FGF14: variants seen among roughly 807,000 people sequenced by gnomAD.
FGF14 encodes the protein fibroblast growth factor homologous factor 4.
Under a neutral mutation model 25.5 loss-of-function variants are expected in FGF14, and 5 were observed. The observed-to-expected ratio is 0.20, with a 90% CI of 0.10 to 0.41. The LOEUF is 0.41. FGF14 is among the 10% of genes least tolerant of loss of function. The probability of loss-of-function intolerance (pLI) is 1.00; values close to 1 mark genes in which losing one functional copy is unlikely to be tolerated. For synonymous variants in FGF14, 138 were observed against 118.3 expected (o/e 1.17, Z -1.08); for missense variants, 222 against 320.1 (o/e 0.69, Z 2.34).
intron 1 of FGF14, among the ~76,000 whole-genome samples, chr13:102,102,348 C>T (rs1343416433): frequency 1.3e-5 from 2 of 152,266 alleles, no homozygotes; most frequent in Non-Finnish European, 2.9e-5. Flanking sequence ...GGGTAATAAA[C>T]TGCCTGTGGT....
At chr13:101,795,914 T>C (rs920184074) in intron 3 of FGF14, among the ~76,000 whole-genome samples, 2 of 152,122 alleles carry the variant, frequency 1.3e-5, no homozygotes, top group Admixed American at 1.3e-4. Context: ...CTTGTGTGTT[T>C]TCTCTGAAAA....
At chr13:101,913,743 C>T (rs2033189464) in intron 1 of FGF14, among the ~76,000 whole-genome samples, 1 of 152,168 alleles carries the variant, frequency 6.6e-6, no homozygotes, top group Non-Finnish European at 1.5e-5. Flanking sequence ...CCTGTCATCT[C>T]TCAACCTGTG....
chr13:102,097,029 C>T (rs1371790086), intron 1 of FGF14, among the ~76,000 whole-genome samples: 1 of 145,866 alleles, frequency 6.9e-6, no homozygotes, highest in African/African-American at 2.5e-5. Context: ...GACTGGAGGA[C>T]TTTTTTTTTT....
At chr13:101,766,827 A>T (rs1293379113) in intron 3 of FGF14, among the ~76,000 whole-genome samples, 4 of 152,124 alleles carry the variant, frequency 2.6e-5, no homozygotes, top group Admixed American at 2.6e-4. Flanking sequence ...AGAGGTAGAG[A>T]TTAGGGTGAT....
chr13:102,111,103 CCTCA>C (rs1257900714), intron 1 of FGF14, among the ~76,000 whole-genome samples: 1 of 152,108 alleles, frequency 6.6e-6, no homozygotes, highest in Non-Finnish European at 1.5e-5. Context: ...CCCCATAATG[CCTCA>C]CTGTCAGTCA....
At chr13:102,362,966 GA>G (rs1399402522) in intron 1 of FGF14, among the ~76,000 whole-genome samples, 1 of 152,058 alleles carries the variant, frequency 6.6e-6, no homozygotes, top group Non-Finnish European at 1.5e-5. Flanking sequence ...TGTTGAAAAA[GA>G]GAATGATTTA....
At chr13:102,356,928 C>CAT (rs3066054) in intron 1 of FGF14, among the ~76,000 whole-genome samples, 35,692 of 141,704 alleles carry the variant, frequency 0.25, 4,623 homozygotes, top group African/African-American at 0.36. Context: ...CTATAAAATG[C>CAT]ATATATATAT....
intron 1 of FGF14, among the ~76,000 whole-genome samples, chr13:101,913,469 T>C (rs4353369): frequency 0.36 from 53,960 of 151,466 alleles, 10,273 homozygotes; most frequent in African/African-American, 0.48. Flanking sequence ...CAATAATCTT[T>C]ACATTAAATA....
At position 101,715,341 on chromosome 13, in the gene FGF14, G is replaced by T; in HGVS notation, c.*7490C>A. The T allele has an allele frequency of 1.9e-6, 1 of 514,578 alleles. No individual in the cohort carries two copies. The highest frequency in any genetic ancestry group is 3.5e-6 in the Non-Finnish European group (1 of 286,630). 31.9% of individuals were successfully genotyped at this position (514,578 alleles called of 1,614,324 possible). ...GAGTGATACAGGATGGTGACTATCT[G>T]ATCGGTAAAGGGTGGCACCAAATAA... On this transcript the variant is annotated 3_prime_UTR_variant, in exon 5 of 5. Coordinates refer to ENST00000376143, the MANE Select transcript of FGF14 (RefSeq NM_004115.4).
intron 1 of FGF14, among the ~76,000 whole-genome samples, chr13:102,312,055 C>T (rs2055796079): frequency 6.6e-6 from 1 of 152,148 alleles, no homozygotes; most frequent in African/African-American, 2.4e-5. Context: ...CCGCTAAGAA[C>T]TGCTTGACGT....
At chr13:102,079,603 C>A (rs1352179788) in intron 1 of FGF14, among the ~76,000 whole-genome samples, 2 of 151,998 alleles carry the variant, frequency 1.3e-5, no homozygotes, top group Non-Finnish European at 2.9e-5. Context: ...TATTAAGTGT[C>A]TTTTATGCGC....
intron 1 of FGF14, among the ~76,000 whole-genome samples, chr13:102,289,574 G>T (rs1395502857): frequency 6.6e-6 from 1 of 152,102 alleles, no homozygotes; most frequent in Non-Finnish European, 1.5e-5. Flanking sequence ...TTGTTTACAT[G>T]ACACAAAATA....
At chr13:101,966,376 AG>A (rs1260954306) in intron 1 of FGF14, among the ~76,000 whole-genome samples, 3 of 152,248 alleles carry the variant, frequency 2.0e-5, no homozygotes, top group Non-Finnish European at 2.9e-5. Context: ...TGCAGAAACT[AG>A]GAAGAGGCAA....
At chr13:102,175,642 G>T (rs2048415637) in intron 1 of FGF14, among the ~76,000 whole-genome samples, 1 of 151,940 alleles carries the variant, frequency 6.6e-6, no homozygotes, top group South Asian at 2.1e-4. Flanking sequence ...CTGCAGAATG[G>T]GAGAAAATGT....
chr13:101,925,475 T>C (rs1178756726), intron 1 of FGF14, among the ~76,000 whole-genome samples: 1 of 152,166 alleles, frequency 6.6e-6, no homozygotes, highest in African/African-American at 2.4e-5. Context: ...GTGTGCAGGG[T>C]TTCAGAAAGT....
intron 1 of FGF14, among the ~76,000 whole-genome samples, chr13:102,390,394 T>C (rs901047747): frequency 2.6e-5 from 4 of 152,238 alleles, no homozygotes; most frequent in Non-Finnish European, 5.9e-5. Context: ...ACAGTGAATA[T>C]ATCACAGTCC....
At chr13:101,863,129 A>G (rs2044511479) in intron 3 of FGF14, among the ~76,000 whole-genome samples, 1 of 152,172 alleles carries the variant, frequency 6.6e-6, no homozygotes, top group Non-Finnish European at 1.5e-5. Flanking sequence ...AGATTGTTAT[A>G]ATAATTGGAG....
chr13:102,360,902 C>T (rs1685566555), intron 1 of FGF14, among the ~76,000 whole-genome samples: 1 of 151,884 alleles, frequency 6.6e-6, no homozygotes, highest in South Asian at 2.1e-4. Context: ...CACACACGAG[C>T]CACAAATTGC....
intron 1 of FGF14, among the ~76,000 whole-genome samples, chr13:102,023,837 C>A (rs2040794535): frequency 1.3e-5 from 2 of 151,908 alleles, no homozygotes; most frequent in African/African-American, 4.8e-5. Flanking sequence ...AAATAATGCA[C>A]AAGAGGAGAA....
Sources: allele counts gnomAD v4.1 joint callset (sites outside exome capture counted in the v4.1 genomes callset), GRCh38; gene constraint gnomAD v4.1.1; transcripts MANE v1.5; gene names NCBI Gene and HGNC (gene_info 2026-07-23, HGNC 2026-07-21).